Variants in ANKRD62 observed in about 807,000 individuals in gnomAD.
ANKRD62 encodes ankyrin repeat domain-containing protein 62.
ANKRD62 carries 61 observed loss-of-function variants against 98.8 expected under a neutral mutation model. The ratio of observed to expected loss-of-function variants is 0.62; its 90% confidence interval spans 0.50 to 0.76. The LOEUF is 0.76. ANKRD62 is among the 30% of genes least tolerant of loss of function. The pLI is 0.00. For missense variants in ANKRD62, 933 were observed against 1,082.9 expected (o/e 0.86, Z 1.94); for synonymous variants, 341 against 367.9 (o/e 0.93, Z 0.84).
the ANKRD62 span, among the ~76,000 whole-genome samples, chr18:12,158,531 T>TA: frequency 1.1e-5 from 1 of 91,520 alleles, no homozygotes; most frequent in African/African-American, 4.0e-5. Context: ...TATTTTTATT[T>TA]TTTATTTTTT....
intron 12 of ANKRD62, 65 bp downstream of exon 12, chr18:12,124,385 C>G (rs1183590632): frequency 1.9e-6 from 1 of 513,388 alleles, no homozygotes; most frequent in East Asian, 3.4e-5. Flanking sequence ...CTTAGAATAT[C>G]CCTTTGACTT....
Position 12,093,868 on chromosome 18 carries a change from C to G in ANKRD62, c.-150C>G, listed in dbSNP as rs889664119. The stretch of plus-strand genomic sequence containing the variant: ...GGCTCTGCTGGGCTAGGTGCTCCTC[C>G]GAGCAGCTGGAGACTGGAGTGTCCC... On this transcript the variant is annotated 5_prime_UTR_variant, in exon 1 of 14. Coordinates refer to ENST00000587848, the MANE Select transcript of ANKRD62 (RefSeq NM_001277333.2). 91 of 718,300 alleles carry G rather than the reference C, an allele frequency of 1.3e-4. No homozygotes were observed. Among genetic ancestry groups the G allele is most frequent in the Non-Finnish European group, 2.3e-5 (10 of 427,140 alleles). 44.5% of individuals were successfully genotyped at this position (718,300 alleles called of 1,614,324 possible). A position where few individuals can be genotyped will look rare whatever the true frequency, so the allele number is the denominator to read the frequency against.
chr18:12,175,381 G>A, the ANKRD62 span, among the ~76,000 whole-genome samples: 29 of 152,188 alleles, frequency 1.9e-4, no homozygotes, highest in East Asian at 1.7e-3. Context: ...GCGGGAGGGC[G>A]GCTGACTGCA....
chr18:12,154,495 G>A, the ANKRD62 span, among the ~76,000 whole-genome samples: 210 of 152,284 alleles, frequency 1.4e-3, 1 homozygote, highest in African/African-American at 4.9e-3. Context: ...ATTGTTGGTG[G>A]GAGTGTTAAT....
chr18:12,096,061 A>T (rs977270843), intron 3 of ANKRD62, 135 bp from the exon 4 acceptor site: 2 of 648,904 alleles, frequency 3.1e-6, no homozygotes, highest in African/African-American at 3.7e-5. Context: ...AGCACAGTGG[A>T]GTGAGAAGGA....
chr18:12,102,013 A>G (rs1909309771), intron 6 of ANKRD62: 3 of 1,340,412 alleles, frequency 2.2e-6, no homozygotes, highest in South Asian at 1.2e-5. Flanking sequence ...CAGCGTGGCA[A>G]CAGCTTTGCA....
chr18:12,099,591 T>C, intron 5 of ANKRD62, 24 bp from the exon 6 acceptor site: 1 of 1,415,232 alleles, frequency 7.1e-7, no homozygotes, highest in Non-Finnish European at 9.4e-7. Flanking sequence ...ATAGTAATTG[T>C]ATTTACTGCA....
rs1362017257 is a variant in ANKRD62 at position 12,125,845 on chromosome 18, G to A, written c.2024G>A (p.Arg675Lys). Reference protein sequence around the residue: ...CDHDQRQSSKRDLQLAFQSTV... With the variant: ...CDHDQRQSSKKDLQLAFQSTV... ...CATGATCAACGTCAGTCATCAAAAA[G>A]AGACCTACAGCTTGCTTTCCAGAGC... is the stretch of plus-strand genomic sequence containing the variant. The change falls in exon 13 of 14, where the codon AGA (arginine) becomes AAA (lysine). Residue 675 changes from arginine to lysine, a missense_variant. Physicochemically the swap from Arg to Lys is conservative, Grantham distance 26. This residue lies in a region of ANKRD62 where 362 missense variants were observed against 434.5 expected (regional missense o/e 0.83). Coordinates refer to ENST00000587848, the MANE Select transcript of ANKRD62 (RefSeq NM_001277333.2). 6.5e-7 allele frequency: 1 copy of A among 1,548,608 alleles called. No individual in the cohort carries two copies. Among genetic ancestry groups the A allele is most frequent in the Non-Finnish European group, 8.7e-7 (1 of 1,147,410 alleles).
the ANKRD62 span, among the ~76,000 whole-genome samples, chr18:12,136,156 C>T: frequency 0.31 from 46,714 of 151,620 alleles, 7,820 homozygotes; most frequent in Middle Eastern, 0.4. Context: ...AGGTTTTCTT[C>T]TAGGGTTTTT....
chr18:12,176,061 G>A, the ANKRD62 span, among the ~76,000 whole-genome samples: 35 of 151,676 alleles, frequency 2.3e-4, no homozygotes, highest in Admixed American at 1.2e-3. Flanking sequence ...GCATGGTGGC[G>A]CATGCCTGTA....
rs1237434079 is a variant in ANKRD62, at chr18:12,122,483, A to G, written c.1421A>G (p.Asn474Ser). 1 of 1,531,218 alleles carries G rather than the reference A, an allele frequency of 6.5e-7. No homozygotes were observed. The highest frequency in any genetic ancestry group is 2.0e-5 in the Admixed American group (1 of 49,792). The allele number at this position is 1,531,218 out of a possible 1,614,324, so 94.9% of individuals were successfully genotyped here. A position where few individuals can be genotyped will look rare whatever the true frequency, so the allele number is the denominator to read the frequency against. ...ACCAAATCACAGTCAGAGCATCAGAATCTTCAAGGGAAAAAAAAGCTCTGT... is the reference window on the plus strand; with the variant it reads ...ACCAAATCACAGTCAGAGCATCAGAGTCTTCAAGGGAAAAAAAAGCTCTGT... ...DKTKSQSEHQ[N>S]LQGKKKLCNL... The change falls in exon 11 of 14, where the codon AAT (asparagine) becomes AGT (serine). Residue 474 changes from asparagine to serine, a missense_variant. Physicochemically the swap from Asn to Ser is conservative, Grantham distance 46. Coordinates refer to ENST00000587848, the MANE Select transcript of ANKRD62 (RefSeq NM_001277333.2).
At chr18:12,098,852 C>T (rs939435649) in intron 5 of ANKRD62, among the ~76,000 whole-genome samples, 1 of 152,190 alleles carries the variant, frequency 6.6e-6, no homozygotes, top group African/African-American at 2.4e-5. Flanking sequence ...TAACAAAGAT[C>T]TGCCAGTTCA....
At chr18:12,175,109 T>A in the ANKRD62 span, among the ~76,000 whole-genome samples, 1 of 151,990 alleles carries the variant, frequency 6.6e-6, no homozygotes, top group Non-Finnish European at 1.5e-5. Flanking sequence ...CAGGGAAGGG[T>A]AGGGGGCTGC....
chr18:12,164,234 T>C, the ANKRD62 span, among the ~76,000 whole-genome samples: 1 of 151,966 alleles, frequency 6.6e-6, no homozygotes, highest in African/African-American at 2.4e-5. Flanking sequence ...TTGTAGATTG[T>C]ATGTGCTTAG....
the ANKRD62 span, among the ~76,000 whole-genome samples, chr18:12,152,424 G>C: frequency 7.9e-5 from 12 of 152,134 alleles, no homozygotes; most frequent in African/African-American, 2.9e-4. Flanking sequence ...TGCAAAGTTG[G>C]TTTAACCTAT....
At chr18:12,117,557 A>G (rs1909691058) in intron 10 of ANKRD62, among the ~76,000 whole-genome samples, 1 of 152,234 alleles carries the variant, frequency 6.6e-6, no homozygotes, top group South Asian at 2.1e-4. Flanking sequence ...TCTGGAGAAC[A>G]TATTCAGTTT....
At chr18:12,162,946 T>C in the ANKRD62 span, among the ~76,000 whole-genome samples, 1 of 152,118 alleles carries the variant, frequency 6.6e-6, no homozygotes, top group Admixed American at 6.6e-5. Flanking sequence ...GGTCAGGAAA[T>C]GTGATTCTTC....
the ANKRD62 span, among the ~76,000 whole-genome samples, chr18:12,159,267 T>A: frequency 1.3e-5 from 2 of 152,320 alleles, no homozygotes; most frequent in Middle Eastern, 6.8e-3. Flanking sequence ...GTTCATGATA[T>A]TTAGTTCATT....
the ANKRD62 span, among the ~76,000 whole-genome samples, chr18:12,168,487 G>C: frequency 6.6e-6 from 1 of 152,226 alleles, no homozygotes; most frequent in African/African-American, 2.4e-5. Context: ...CTTTTCCATT[G>C]ATCTATATCT....
Sources: allele counts gnomAD v4.1 joint callset (sites outside exome capture counted in the v4.1 genomes callset), GRCh38; gene constraint gnomAD v4.1.1; regional missense constraint gnomAD v4.1.1; transcripts MANE v1.5; gene names NCBI Gene and HGNC (gene_info 2026-07-23, HGNC 2026-07-21).